The following USP21 variants were observed in gnomAD, a reference collection of about 807,000 sequenced individuals.
The protein encoded by USP21 is ubiquitin specific peptidase 21, also known as ubiquitin carboxyl-terminal hydrolase 21.
Under a neutral mutation model 70.8 loss-of-function variants are expected in USP21, and 37 were observed. The observed-to-expected ratio is 0.52, with a 90% CI of 0.40 to 0.69. The LOEUF (loss-of-function observed/expected upper bound fraction) is 0.69, where lower values mean the gene tolerates loss of function less well. USP21 is among the 30% of genes least tolerant of loss of function. The pLI is 0.00. For synonymous variants in USP21, 263 were observed against 283.1 expected, an observed-to-expected ratio of 0.93 and a Z score of 0.71; for missense variants, 584 against 740.8, an observed-to-expected ratio of 0.79 and a Z score of 2.46.
Position 161,159,538 on chromosome 1 carries a change from T to A in USP21, c.-303T>A, listed in dbSNP as rs1289451839. 1.3e-5 allele frequency: 2 copies of A among 151,924 alleles called. No homozygotes were observed. The highest frequency in any genetic ancestry group is 2.1e-4 in the South Asian group (1 of 4,740). The allele number at this position is 151,924 out of a possible 1,614,324, so 9.4% of individuals were successfully genotyped here. A position where few individuals can be genotyped will look rare whatever the true frequency, so the allele number is the denominator to read the frequency against. On this transcript the variant is annotated 5_prime_UTR_variant, in exon 1 of 14. Transcript: ENST00000368002. ...GACCAACAAAGATGGCGGCGGCCCCTGCGGCGGGAGCGATCTGGGCAACGG... is the reference window on the plus strand; with the variant it reads ...GACCAACAAAGATGGCGGCGGCCCCAGCGGCGGGAGCGATCTGGGCAACGG...
In USP21 at chr1:161,161,488, T is replaced by G; in HGVS notation, c.600+248T>G. 1 of 485,906 alleles carries G rather than the reference T, an allele frequency of 2.1e-6. No individual in the cohort carries two copies. The highest frequency in any genetic ancestry group is 3.6e-6 in the Non-Finnish European group (1 of 275,330). 30.1% of individuals were successfully genotyped at this position (485,906 alleles called of 1,614,324 possible). A position where few individuals can be genotyped will look rare whatever the true frequency, so the allele number is the denominator to read the frequency against. ...GGATTACCCCAACTATTTAGAATTC[T>G]TCTTTGGGTCCCCAGGCCCTTCCTT... On this transcript the variant is annotated intron_variant, in intron 3 of 13. Transcript: ENST00000368002. The surrounding 1 kb of genome is among the most constrained non-coding windows in gnomAD (Gnocchi z 4.2).
chr1:161,164,761 G>C lies in USP21; in HGVS notation c.1385-74G>C. Reference sequence around the variant, plus strand: ...TCCCAGTGTGTCGGGAGTGGGGAGAGGACAGCTTTCAGGATAGAAGAAGTT... The same window carrying C: ...TCCCAGTGTGTCGGGAGTGGGGAGACGACAGCTTTCAGGATAGAAGAAGTT... On this transcript the variant is annotated intron_variant, in intron 11 of 13. Coordinates refer to ENST00000368002, the MANE Select transcript of USP21 (RefSeq NM_001014443.3). This position sits in a 1 kb window ranked among gnomAD's most constrained non-coding sequence, Gnocchi z 4.2. The C allele has an allele frequency of 6.3e-7, 1 of 1,595,876 alleles. No individual in the cohort carries two copies. The highest frequency in any genetic ancestry group is 8.6e-7 in the Non-Finnish European group (1 of 1,169,294).
intron 7 of USP21, 53 bp from the exon 8 acceptor site, chr1:161,163,502 C>G: frequency 1.3e-6 from 2 of 1,558,844 alleles, no homozygotes; most frequent in Non-Finnish European, 1.8e-6. Flanking sequence ...TTGGGGGTGC[C>G]CAGTGTTCCT....
In USP21 at chr1:161,161,030, T is replaced by C. The variant is rs1230716480; in HGVS notation, c.390T>C (p.Arg130=). Residue 130 remains arginine (R), a synonymous_variant, in exon 3 of 14, where the codon CGT becomes CGC. Transcript: ENST00000368002. This position sits in a 1 kb window ranked among gnomAD's most constrained non-coding sequence, Gnocchi z 4.2. ...TGGGGATTGCCTTGGGAGGGCACCG[T>C]GGCACCGGAGAGCTTGGGGCTGCAC... is the stretch of plus-strand genomic sequence containing the variant. The part of the protein sequence containing the change: ...RPMGIALGGH[R]GTGELGAALS... 1 of 1,614,112 alleles carries C rather than the reference T, an allele frequency of 6.2e-7. No homozygotes were observed. The highest frequency in any genetic ancestry group is 8.5e-7 in the Non-Finnish European group (1 of 1,180,046).
rs1658010064 is a variant in USP21, at chr1:161,162,542, C to T, written c.782-73C>T. On this transcript the variant is annotated intron_variant, in intron 5 of 13. Coordinates refer to ENST00000368002, the MANE Select transcript of USP21 (RefSeq NM_001014443.3). This position sits in a 1 kb window ranked among gnomAD's most constrained non-coding sequence, Gnocchi z 4.1. ...TACTTTCCTAAAGGTTATTTTCTAC[C>T]CTCTGAGCCACCTTTTGCTTGCCTC... The T allele has an allele frequency of 2.0e-6, 3 of 1,524,872 alleles. No individual in the cohort carries two copies. The highest frequency in any genetic ancestry group is 1.7e-5 in the Admixed American group (1 of 58,652). 94.5% of individuals were successfully genotyped at this position (1,524,872 alleles called of 1,614,324 possible).
Position 161,161,748 on chromosome 1 carries a change from G to A in USP21, c.601-290G>A, listed in dbSNP as rs183365120. On this transcript the variant is annotated intron_variant, in intron 3 of 13. Transcript: ENST00000368002. The surrounding 1 kb of genome is among the most constrained non-coding windows in gnomAD (Gnocchi z 4.2). ...TGGTGAGCAGCTGGGCAACCATGCC[G>A]GTGCTGGGGGAGTTGCCCCAGGAGC... The A allele has an allele frequency of 5.9e-3, 2,984 of 502,702 alleles. 68 individuals are homozygous for A. The highest frequency in any genetic ancestry group is 0.05 in the African/African-American group (2,612 of 52,048). The allele number at this position is 502,702 out of a possible 1,614,324, so 31.1% of individuals were successfully genotyped here. A position where few individuals can be genotyped will look rare whatever the true frequency, so the allele number is the denominator to read the frequency against.
rs1658202481 is a variant in USP21 at position 161,164,077 on chromosome 1, T to TG, written c.1219-85dup. On this transcript the variant is annotated intron_variant, in intron 9 of 13. Transcript: ENST00000368002. The surrounding 1 kb of genome is among the most constrained non-coding windows in gnomAD (Gnocchi z 4.2). ...TGTGGGCGGGAACCCTGTGGGTTTC[T>TG]GGAGCAGAACTGAAGCCTGGATTGA... The TG allele has an allele frequency of 2.5e-6, 4 of 1,587,102 alleles. No individual in the cohort carries two copies. In the South Asian group the frequency reaches 4.4e-5, roughly 18 times the overall value.
chr1:161,165,411 C>T lies in USP21; in HGVS notation c.1662C>T (p.Phe554=), dbSNP rs760603430. Reference sequence around the variant, plus strand: ...CATCCAGCGAGGGCTACGTGCTGTTCTACCAACTGATGCAGGAGCCACCCC... The same window carrying T: ...CATCCAGCGAGGGCTACGTGCTGTTTTACCAACTGATGCAGGAGCCACCCC... ...QVASSEGYVL[F]YQLMQEPPRC... Residue 554 remains phenylalanine, a synonymous_variant, in exon 14 of 14, where the codon TTC becomes TTT. Coordinates refer to ENST00000368002, the MANE Select transcript of USP21 (RefSeq NM_001014443.3). The T allele has an allele frequency of 2.5e-6, 4 of 1,614,134 alleles. No homozygotes were observed. In the South Asian group the frequency reaches 4.4e-5, roughly 18 times the overall value.
intron 7 of USP21, 144 bp from the exon 8 acceptor site, chr1:161,163,411 C>T (rs1368857968): frequency 1.3e-6 from 1 of 759,798 alleles, no homozygotes; most frequent in African/African-American, 1.8e-5. Context: ...AGGCATTATT[C>T]TTTTGACTTT....
At position 161,164,635 on chromosome 1, in the gene USP21, A is replaced by G; in HGVS notation, c.1384+23A>G. 3 of 1,613,772 alleles carry G rather than the reference A, an allele frequency of 1.9e-6. 1 individual carries two copies. In the South Asian group the frequency reaches 3.3e-5, roughly 18 times the overall value. On this transcript the variant is annotated intron_variant, in intron 11 of 13. Coordinates refer to ENST00000368002, the MANE Select transcript of USP21 (RefSeq NM_001014443.3). The surrounding 1 kb of genome is among the most constrained non-coding windows in gnomAD (Gnocchi z 4.2). Reference sequence around the variant, plus strand: ...TCCATATCCTAATCTTCAGATTCTTACTTCTCTTAGGATACCTCCCATACA... The same window carrying G: ...TCCATATCCTAATCTTCAGATTCTTGCTTCTCTTAGGATACCTCCCATACA...
chr1:161,164,036 C>G lies in USP21; in HGVS notation c.1218+55C>G. ...AGGACAGGGGCTCTGTGACCCAAGC[C>G]TACCCACCCCCAGAGTGTGGGCGGG... On this transcript the variant is annotated intron_variant, in intron 9 of 13. Coordinates refer to ENST00000368002, the MANE Select transcript of USP21 (RefSeq NM_001014443.3). The surrounding 1 kb of genome is among the most constrained non-coding windows in gnomAD (Gnocchi z 4.2). 1 of 1,593,480 alleles carries G rather than the reference C, an allele frequency of 6.3e-7. No homozygotes were observed. Among genetic ancestry groups the G allele is most frequent in the Non-Finnish European group, 8.6e-7 (1 of 1,161,420 alleles).
intron 1 of USP21, among the ~76,000 whole-genome samples, chr1:161,159,999 T>A (rs1229537804): frequency 6.6e-6 from 1 of 152,166 alleles, no homozygotes; most frequent in Non-Finnish European, 1.5e-5. Context: ...CGACACCATG[T>A]CGGAGGTCGG....
chr1:161,164,178 G>A lies in USP21; in HGVS notation c.1233G>A (p.Gly411=), dbSNP rs1211991428. 1 of 1,614,174 alleles carries A rather than the reference G, an allele frequency of 6.2e-7. No individual in the cohort carries two copies. Among genetic ancestry groups the A allele is most frequent in the Non-Finnish European group, 8.5e-7 (1 of 1,180,042 alleles). ...TTTTCCCCCAGAAAGGATTTGCTGG[G>A]GGCAAGGTGTCTCTGCGGGATTGTT... is the stretch of plus-strand genomic sequence containing the variant. ...SLPIPKKGFA[G]GKVSLRDCFN... is the part of the protein sequence containing the mutation. The change falls in exon 10 of 14, where the codon GGG becomes GGA. Residue 411 remains glycine, a synonymous_variant. Transcript: ENST00000368002. The surrounding 1 kb of genome is among the most constrained non-coding windows in gnomAD (Gnocchi z 4.2).
Position 161,163,991 on chromosome 1 carries a change from C to A in USP21, c.1218+10C>A. 1 of 1,613,476 alleles carries A rather than the reference C, an allele frequency of 6.2e-7. No homozygotes were observed. The highest frequency in any genetic ancestry group is 8.5e-7 in the Non-Finnish European group (1 of 1,179,450). ...CCTGCCCATCCCCAAGGTGGGATTC[C>A]AGAGGATTCCGGGGTGGACAGGACA... On this transcript the variant is annotated intron_variant, in intron 9 of 13. Coordinates refer to ENST00000368002, the MANE Select transcript of USP21 (RefSeq NM_001014443.3).
chr1:161,162,652 C>A lies in USP21; in HGVS notation c.819C>A (p.Asp273Glu), dbSNP rs748807359. ...ADVIGALWHP[D>E]SCEAVNPTRF... ...TGATTGGTGCCCTCTGGCACCCTGACTCCTGCGAAGCTGTGAATCCTACTC... is the reference window on the plus strand; with the variant it reads ...TGATTGGTGCCCTCTGGCACCCTGAATCCTGCGAAGCTGTGAATCCTACTC... Residue 273 changes from aspartate (D) to glutamate (E), a missense_variant, in exon 6 of 14, where the codon GAC becomes GAA. Physicochemically the swap from Asp to Glu is conservative, Grantham distance 45 (BLOSUM62 2). Coordinates refer to ENST00000368002, the MANE Select transcript of USP21 (RefSeq NM_001014443.3). This position sits in a 1 kb window ranked among gnomAD's most constrained non-coding sequence, Gnocchi z 4.1. 1.2e-6 allele frequency: 2 copies of A among 1,614,196 alleles called. No individual in the cohort carries two copies. The highest frequency in any genetic ancestry group is 1.7e-6 in the Non-Finnish European group (2 of 1,180,000).
In USP21 at chr1:161,161,151, A is replaced by G; in HGVS notation, c.511A>G (p.Ser171Gly). The stretch of plus-strand genomic sequence containing the variant: ...CTTTCCTGGACCCCCTACCCTGTTC[A>G]GCATACGGACAGAGCCCCCTGCTTC... ...GGFPGPPTLFSIRTEPPASHG... is the reference protein window; with the variant it reads ...GGFPGPPTLFGIRTEPPASHG... The change falls in exon 3 of 14, where the codon AGC becomes GGC. Residue 171 changes from serine to glycine, a missense_variant. This residue lies in a region of USP21 where 284 missense variants were observed against 281.0 expected (regional missense o/e 1.01). Coordinates refer to ENST00000368002, the MANE Select transcript of USP21 (RefSeq NM_001014443.3). This position sits in a 1 kb window ranked among gnomAD's most constrained non-coding sequence, Gnocchi z 4.2. The G allele has an allele frequency of 6.2e-7, 1 of 1,614,044 alleles. No individual in the cohort carries two copies. Among genetic ancestry groups the G allele is most frequent in the South Asian group, 1.1e-5 (1 of 91,088 alleles).
chr1:161,164,626 C>T lies in USP21; in HGVS notation c.1384+14C>T, dbSNP rs747017772. On this transcript the variant is annotated intron_variant, in intron 11 of 13. Coordinates refer to ENST00000368002, the MANE Select transcript of USP21 (RefSeq NM_001014443.3). The surrounding 1 kb of genome is among the most constrained non-coding windows in gnomAD (Gnocchi z 4.2). ...TCCTCGTGCTCCATATCCTAATCTT[C>T]AGATTCTTACTTCTCTTAGGATACC... 10 of 1,613,752 alleles carry T rather than the reference C, an allele frequency of 6.2e-6. No homozygotes were observed. The East Asian group carries it at 2.2e-4, about 36-fold the overall frequency.
Position 161,165,709 on chromosome 1 carries a change from TTTA to T in USP21, c.*266_*268del, listed in dbSNP as rs1409753548. On this transcript the variant is annotated 3_prime_UTR_variant, in exon 14 of 14. Coordinates refer to ENST00000368002, the MANE Select transcript of USP21 (RefSeq NM_001014443.3). Reference sequence around the variant, plus strand: ...TGCAATATCACTTTTTGTGAATAAATTTATTAAGAAAAAATGATGTGCTTATTT... The same window carrying T: ...TGCAATATCACTTTTTGTGAATAAATTTAAGAAAAAATGATGTGCTTATTT... 1 of 371,812 alleles carries T rather than the reference TTTA, an allele frequency of 2.7e-6. No individual in the cohort carries two copies. Among genetic ancestry groups the T allele is most frequent in the Non-Finnish European group, 4.8e-6 (1 of 206,584 alleles). The allele number at this position is 371,812 out of a possible 1,614,324, so 23.0% of individuals were successfully genotyped here.
At position 161,164,084 on chromosome 1, in the gene USP21, G is replaced by A; in HGVS notation, c.1219-80G>A. On this transcript the variant is annotated intron_variant, in intron 9 of 13. Transcript: ENST00000368002. The surrounding 1 kb of genome is among the most constrained non-coding windows in gnomAD (Gnocchi z 4.2). The stretch of plus-strand genomic sequence containing the variant: ...GGGAACCCTGTGGGTTTCTGGAGCA[G>A]AACTGAAGCCTGGATTGATTGAGAA... 1.3e-6 allele frequency: 2 copies of A among 1,589,260 alleles called. No homozygotes were observed. Among genetic ancestry groups the A allele is most frequent in the African/African-American group, 1.3e-5 (1 of 74,496 alleles).
Sources: gnomAD v4.1 joint callset for allele counts (sites outside exome capture counted in the v4.1 genomes callset) on GRCh38, gnomAD v4.1.1 for gene constraint, gnomAD v4.1.1 regional missense constraint, Gnocchi (gnomAD v3.1) non-coding constraint, MANE v1.5 for transcripts, NCBI Gene and HGNC (gene_info 2026-07-23, HGNC 2026-07-21) for gene names.